The following CNBD1 variants were observed in gnomAD, a reference collection of about 807,000 sequenced individuals.
The protein encoded by CNBD1 is cyclic nucleotide binding domain containing 1.
A neutral mutation model predicts 54.4 loss-of-function variants in CNBD1; 71 were observed. The ratio of observed to expected loss-of-function variants is 1.30; its 90% confidence interval spans 1.08 to 1.59. The LOEUF is 1.59. CNBD1 is among the 40% of genes most tolerant of loss of function. The pLI is 0.00. For synonymous variants in CNBD1, 182 were observed against 170.7 expected (o/e 1.07, Z -0.51); for missense variants, 659 against 518.0 (o/e 1.27, Z -2.64).
At chr8:87,255,997 ATATATATATATATATATATTTTTT>A (rs1349704688) in intron 6 of CNBD1, among the ~76,000 whole-genome samples, 24 of 14,778 alleles carry the variant, frequency 1.6e-3, no homozygotes, top group African/African-American at 4.7e-3. Context: ...ATATATATAT[ATATATATATATATATATATTTTTT>A]TTTTTTTTTT....
chr8:87,286,539 G>A lies in CNBD1; in HGVS notation c.910G>A (p.Glu304Lys), dbSNP rs1190645586. Residue 304 changes from glutamate (E) to lysine (K), a missense_variant and splice_region_variant, in exon 8 of 11, where the codon GAA becomes AAA. Coordinates refer to ENST00000518476, the MANE Select transcript of CNBD1 (RefSeq NM_173538.3). ...PAKGYAKIKE[E>K]KIKLENMQKL... ...ATTTGATAATGACATTCTGTTTTAG[G>A]AAAAAATAAAACTTGAAAATATGCA... The A allele has an allele frequency of 5.0e-6, 7 of 1,406,808 alleles. No homozygotes were observed. The East Asian group carries it at 1.7e-4, about 34-fold the overall frequency. 87.1% of individuals were successfully genotyped at this position (1,406,808 alleles called of 1,614,324 possible).
intron 4 of CNBD1, among the ~76,000 whole-genome samples, chr8:87,179,774 T>C (rs1052854079): frequency 6.6e-6 from 1 of 152,200 alleles, no homozygotes; most frequent in African/African-American, 2.4e-5. Flanking sequence ...CTAAAATGTC[T>C]ACATACAAGA....
rs372841643 is a variant in CNBD1, at chr8:87,226,116, T to G, written c.578-10803T>G. Among the ~76,000 whole-genome samples the G allele has an allele frequency of 1.4e-3, 210 of 152,332 alleles. 1 individual carries two copies. The highest frequency in any genetic ancestry group is 6.8e-3 in the Middle Eastern group (2 of 294). The stretch of plus-strand genomic sequence containing the variant: ...CTTTACCATTTTTTATTGCATCTGT[T>G]TGATTCTTCTCTCTTTTTTTCTTTA... On this transcript the variant is annotated intron_variant, in intron 5 of 10. Transcript: ENST00000518476.
At chr8:87,077,412 C>CTTTTTTTTTT (rs374931620) in intron 4 of CNBD1, among the ~76,000 whole-genome samples, 8 of 129,578 alleles carry the variant, frequency 6.2e-5, no homozygotes, top group East Asian at 4.5e-4. Flanking sequence ...TCTTCTTCTT[C>CTTTTTTTTTT]TTTTTTTTTT....
At chr8:87,215,605 G>T (rs996731420) in intron 5 of CNBD1, among the ~76,000 whole-genome samples, 1 of 147,092 alleles carries the variant, frequency 6.8e-6, no homozygotes, top group Admixed American at 6.8e-5. Context: ...AAAAAAAAAA[G>T]AGTTTCTTTT....
chr8:87,243,466 T>C (rs1807743720), intron 6 of CNBD1, among the ~76,000 whole-genome samples: 1 of 152,172 alleles, frequency 6.6e-6, no homozygotes, highest in South Asian at 2.1e-4. Context: ...TAATGGGTGC[T>C]GCCTGACCTT....
rs187977760 is a variant in CNBD1 at position 87,070,139 on chromosome 8, C to T, written c.431+130385C>T. Among the ~76,000 whole-genome samples, 312 of 152,182 alleles carry T rather than the reference C, an allele frequency of 2.1e-3. 1 individual carries two copies. The highest frequency in any genetic ancestry group is 2.8e-3 in the Non-Finnish European group (193 of 67,960). On this transcript the variant is annotated intron_variant, in intron 4 of 10. Coordinates refer to ENST00000518476, the MANE Select transcript of CNBD1 (RefSeq NM_173538.3). ...GAGCACAGTATCTCCTTTACTTAGTCCTGGTGAGGAAAGATCCTTCTTCCA... is the reference window on the plus strand; with the variant it reads ...GAGCACAGTATCTCCTTTACTTAGTTCTGGTGAGGAAAGATCCTTCTTCCA...
intron 4 of CNBD1, among the ~76,000 whole-genome samples, chr8:86,941,568 C>G (rs1240182573): frequency 6.6e-6 from 1 of 152,094 alleles, no homozygotes; most frequent in East Asian, 1.9e-4. Context: ...AACAAAGTTT[C>G]TGATCTGAGA....
intron 8 of CNBD1, among the ~76,000 whole-genome samples, chr8:87,300,386 C>T (rs1043439273): frequency 2.0e-5 from 3 of 152,044 alleles, no homozygotes; most frequent in African/African-American, 7.2e-5. Flanking sequence ...GTCACCAGAA[C>T]GAGTACCTGT....
At chr8:87,211,669 AC>A (rs1814101408) in intron 5 of CNBD1, among the ~76,000 whole-genome samples, 1 of 151,874 alleles carries the variant, frequency 6.6e-6, no homozygotes, top group Non-Finnish European at 1.5e-5. Context: ...CTTCCATTTT[AC>A]CTTCTACTAT....
chr8:87,345,851 G>A (rs1049189003), intron 8 of CNBD1, among the ~76,000 whole-genome samples: 1 of 151,978 alleles, frequency 6.6e-6, no homozygotes, highest in African/African-American at 2.4e-5. Flanking sequence ...GTTGACTACT[G>A]AAAATAAAAA....
chr8:86,901,577 C>T (rs143885732), intron 2 of CNBD1, among the ~76,000 whole-genome samples: 2 of 152,244 alleles, frequency 1.3e-5, no homozygotes, highest in Admixed American at 6.5e-5. Context: ...TAGCTTTGCA[C>T]AATATAATTT....
intron 4 of CNBD1, among the ~76,000 whole-genome samples, chr8:86,983,651 C>T (rs897337126): frequency 6.6e-6 from 1 of 152,120 alleles, no homozygotes; most frequent in African/African-American, 2.4e-5. Context: ...AAAGACAACT[C>T]TTGTTATGTT....
intron 4 of CNBD1, among the ~76,000 whole-genome samples, chr8:87,104,864 A>C (rs1392095212): frequency 6.6e-6 from 1 of 152,222 alleles, no homozygotes; most frequent in East Asian, 1.9e-4. Context: ...AATCATTATG[A>C]ATTGTATGCC....
intron 4 of CNBD1, among the ~76,000 whole-genome samples, chr8:87,201,889 T>C (rs1308877198): frequency 1.3e-5 from 2 of 152,004 alleles, no homozygotes; most frequent in Non-Finnish European, 1.5e-5. Flanking sequence ...AGTAACTGGG[T>C]TTACAGGAGC....
Position 87,235,532 on chromosome 8 carries a change from A to G in CNBD1, c.578-1387A>G, listed in dbSNP as rs528836094. On this transcript the variant is annotated intron_variant, in intron 5 of 10. Coordinates refer to ENST00000518476, the MANE Select transcript of CNBD1 (RefSeq NM_173538.3). The stretch of plus-strand genomic sequence containing the variant: ...CTGAGGACAGGGAGAGAGATGGGGA[A>G]ACAGCCATTGAATAGGGCAGTCCAA... 1.2e-3 allele frequency among the ~76,000 whole-genome samples: 177 copies of G among 152,244 alleles called. 1 individual carries two copies. The highest frequency in any genetic ancestry group is 3.9e-3 in the African/African-American group (162 of 41,558).
intron 2 of CNBD1, among the ~76,000 whole-genome samples, chr8:86,894,085 C>T (rs1384155084): frequency 4.7e-5 from 4 of 85,852 alleles, no homozygotes; most frequent in East Asian, 4.1e-4. Context: ...GACGGAGTCT[C>T]GCTCTGTCGC....
chr8:87,020,198 A>C (rs1809454459), intron 4 of CNBD1, among the ~76,000 whole-genome samples: 1 of 152,166 alleles, frequency 6.6e-6, no homozygotes, highest in Non-Finnish European at 1.5e-5. Flanking sequence ...GAATCATAAT[A>C]GCTCAAAAAA....
chr8:87,137,877 A>T (rs548205042), intron 4 of CNBD1, among the ~76,000 whole-genome samples: 2 of 152,182 alleles, frequency 1.3e-5, no homozygotes, highest in African/African-American at 4.8e-5. Flanking sequence ...TGTGTCTTCC[A>T]TGAGGTAGTG....
Sources: allele counts gnomAD v4.1 joint callset (sites outside exome capture counted in the v4.1 genomes callset), GRCh38; gene constraint gnomAD v4.1.1; transcripts MANE v1.5; gene names NCBI Gene and HGNC (gene_info 2026-07-23, HGNC 2026-07-21).